SLC4A4: variants seen among roughly 807,000 people sequenced by gnomAD.
SLC4A4 encodes the protein electrogenic sodium bicarbonate cotransporter 1.
Under a neutral mutation model 111.5 loss-of-function variants are expected in SLC4A4, and 27 were observed. The ratio of observed to expected loss-of-function variants is 0.24; its 90% CI spans 0.18 to 0.33. The LOEUF is 0.33. Ranked by LOEUF, SLC4A4 falls within the 10% of genes least tolerant of loss-of-function variation. SLC4A4 has a pLI of 1.00. For synonymous variants in SLC4A4, 443 were observed against 463.4 expected, an observed-to-expected ratio of 0.96 and a Z score of 0.57; for missense variants, 909 against 1,315.5, an observed-to-expected ratio of 0.69 and a Z score of 4.78.
chr4:71,358,947 G>A (rs987867641), intron 6 of SLC4A4, among the ~76,000 whole-genome samples: 4 of 152,104 alleles, frequency 2.6e-5, no homozygotes, highest in African/African-American at 7.2e-5. Flanking sequence ...ATGGGGTTGG[G>A]GGAAGTATAA....
At chr4:71,489,390 G>T (rs1411541413) in intron 15 of SLC4A4, among the ~76,000 whole-genome samples, 1 of 151,718 alleles carries the variant, frequency 6.6e-6, no homozygotes, top group African/African-American at 2.4e-5. Context: ...CAAGTGCAGG[G>T]CTCCATGACT....
At chr4:71,411,604 G>A (rs758700009) in intron 7 of SLC4A4, among the ~76,000 whole-genome samples, 2 of 152,066 alleles carry the variant, frequency 1.3e-5, no homozygotes, top group Non-Finnish European at 2.9e-5. Flanking sequence ...TGGCTTGCAA[G>A]CTCAGCAAGG....
At chr4:71,073,210 T>C (rs1465472430) in intron 1 of SLC4A4, among the ~76,000 whole-genome samples, 2 of 151,742 alleles carry the variant, frequency 1.3e-5, no homozygotes, top group African/African-American at 2.4e-5. Context: ...AACTGATAGA[T>C]CATCTACACA....
chr4:71,073,177 A>AT (rs567774557), intron 1 of SLC4A4, among the ~76,000 whole-genome samples: 3 of 151,896 alleles, frequency 2.0e-5, no homozygotes, highest in Admixed American at 2.0e-4. Flanking sequence ...TTTAATTGCA[A>AT]TTTTTTTCCC....
intron 3 of SLC4A4, among the ~76,000 whole-genome samples, chr4:71,286,925 T>A (rs1001872290): frequency 1.3e-5 from 2 of 152,198 alleles, no homozygotes; most frequent in African/African-American, 4.8e-5. Flanking sequence ...TTATGAGTTT[T>A]TTTTTTTTAA....
intron 3 of SLC4A4, among the ~76,000 whole-genome samples, chr4:71,266,487 C>T (rs566136551): frequency 2.1e-4 from 32 of 152,246 alleles, no homozygotes; most frequent in African/African-American, 6.5e-4. Context: ...TTATTTTTGT[C>T]ACTTTCACTA....
intron 7 of SLC4A4, among the ~76,000 whole-genome samples, chr4:71,423,625 A>T (rs570656321): frequency 0.011 from 1,719 of 152,282 alleles, 31 homozygotes; most frequent in African/African-American, 0.039. Flanking sequence ...ACAGCATGGT[A>T]CTGGTACCAA....
At chr4:71,197,619 C>A (rs1463912636) in intron 1 of SLC4A4, among the ~76,000 whole-genome samples, 1 of 152,122 alleles carries the variant, frequency 6.6e-6, no homozygotes, top group Admixed American at 6.5e-5. Context: ...TTAAAGATGC[C>A]TAAAAAGGCC....
intron 7 of SLC4A4, among the ~76,000 whole-genome samples, chr4:71,424,245 C>A (rs1360542084): frequency 6.6e-6 from 1 of 152,100 alleles, no homozygotes; most frequent in Non-Finnish European, 1.5e-5. Flanking sequence ...AAAAAATGCT[C>A]ACCATCACTG....
At chr4:71,340,850 A>G (rs1310622496) in intron 4 of SLC4A4, among the ~76,000 whole-genome samples, 1 of 152,184 alleles carries the variant, frequency 6.6e-6, no homozygotes, top group Non-Finnish European at 1.5e-5. Flanking sequence ...ATATACATAC[A>G]TGTGTATATG....
At chr4:71,216,664 G>A (rs1044842402) in intron 1 of SLC4A4, among the ~76,000 whole-genome samples, 1 of 152,158 alleles carries the variant, frequency 6.6e-6, no homozygotes, top group African/African-American at 2.4e-5. Context: ...AAGGCTATCT[G>A]GTTATCCCTC....
chr4:71,145,833 T>C (rs1407524659), intron 2 of SLC4A4, among the ~76,000 whole-genome samples: 1 of 152,216 alleles, frequency 6.6e-6, no homozygotes, highest in Non-Finnish European at 1.5e-5. Flanking sequence ...TTGATTCTTC[T>C]CTCTTTTCTT....
upstream of SLC4A4, among the ~76,000 whole-genome samples, chr4:71,183,123 T>C (rs1179611448): frequency 6.6e-6 from 1 of 152,212 alleles, no homozygotes; most frequent in Non-Finnish European, 1.5e-5. Flanking sequence ...AATTTTGGGG[T>C]ATTATCTTAA....
At chr4:71,173,152 T>C (rs1396819804) in intron 2 of SLC4A4, among the ~76,000 whole-genome samples, 1 of 152,064 alleles carries the variant, frequency 6.6e-6, no homozygotes, top group African/African-American at 2.4e-5. Flanking sequence ...AACTCTCATG[T>C]GAGATAGCTG....
intron 6 of SLC4A4, among the ~76,000 whole-genome samples, chr4:71,359,166 G>A (rs77118395): frequency 9.3e-4 from 142 of 152,336 alleles, no homozygotes; most frequent in African/African-American, 3.3e-3. Flanking sequence ...CAACTAATGA[G>A]TTAATATCGC....
At chr4:71,286,094 G>T (rs1300902907) in intron 3 of SLC4A4, among the ~76,000 whole-genome samples, 1 of 152,114 alleles carries the variant, frequency 6.6e-6, no homozygotes, top group East Asian at 1.9e-4. Flanking sequence ...CAAAAAATTA[G>T]ACAGGCATGG....
chr4:71,115,733 C>A (rs1743226669), intron 2 of SLC4A4, among the ~76,000 whole-genome samples: 1 of 152,162 alleles, frequency 6.6e-6, no homozygotes, highest in Non-Finnish European at 1.5e-5. Flanking sequence ...GAATAGAGTG[C>A]TGTCATGTAA....
At chr4:71,105,454 G>C (rs1308413737) in intron 2 of SLC4A4, among the ~76,000 whole-genome samples, 1 of 151,386 alleles carries the variant, frequency 6.6e-6, no homozygotes, top group African/African-American at 2.4e-5. Flanking sequence ...AAAAGAGCCC[G>C]CATCGCCAAG....
At chr4:71,116,673 G>T (rs1181110894) in intron 2 of SLC4A4, among the ~76,000 whole-genome samples, 1 of 152,242 alleles carries the variant, frequency 6.6e-6, no homozygotes, top group Non-Finnish European at 1.5e-5. Flanking sequence ...GCCGGACGTG[G>T]TGGCTCACGC....
Sources: allele counts gnomAD v4.1 joint callset (sites outside exome capture counted in the v4.1 genomes callset), GRCh38; gene constraint gnomAD v4.1.1; transcripts MANE v1.5; gene names NCBI Gene and HGNC (gene_info 2026-07-23, HGNC 2026-07-21).